SYNJ2: variants seen among roughly 807,000 people sequenced by gnomAD.
SYNJ2 encodes synaptojanin 2, also known as polyphosphatidylinositol phosphatase SYNJ2.
SYNJ2 carries 116 observed loss-of-function variants against 141.3 expected under a neutral mutation model. The ratio of observed to expected loss-of-function variants is 0.82; its 90% CI spans 0.71 to 0.96. The LOEUF (loss-of-function observed/expected upper bound fraction) is 0.96, where lower values mean the gene tolerates loss of function less well. Among genes scored for constraint, SYNJ2 ranks in the 40% least tolerant of loss-of-function variants. The pLI, the probability that SYNJ2 is intolerant of heterozygous loss-of-function variation, is 0.00. For synonymous variants in SYNJ2, 745 were observed against 777.7 expected (o/e 0.96, Z 0.70); for missense variants, 1,873 against 1,934.8 (o/e 0.97, Z 0.60).
intron 2 of SYNJ2, among the ~76,000 whole-genome samples, chr6:158,025,598 A>G (rs1779000174): frequency 6.6e-6 from 1 of 152,048 alleles, no homozygotes; most frequent in Non-Finnish European, 1.5e-5. Context: ...AGGCGGAGGT[A>G]GCAGTGAGCT....
At chr6:158,017,162 G>A (rs1778495172) in intron 1 of SYNJ2, 42 bp from the exon 2 acceptor site, 2 of 1,605,340 alleles carry the variant, frequency 1.2e-6, no homozygotes, top group Non-Finnish European at 1.7e-6. Flanking sequence ...GAATGAGCAG[G>A]AGACGCTCGC....
intron 26 of SYNJ2, 53 bp downstream of exon 26, chr6:158,093,157 G>A (rs888154838): frequency 8.4e-6 from 13 of 1,552,440 alleles, no homozygotes; most frequent in African/African-American, 5.6e-5. Flanking sequence ...CACATGTCTC[G>A]ATAGATAAGA....
chr6:158,069,712 G>C (rs200991797), intron 14 of SYNJ2, 39 bp downstream of exon 14: 62 of 1,561,240 alleles, frequency 4.0e-5, no homozygotes, highest in Non-Finnish European at 5.0e-5. Context: ...GGGAACAAGG[G>C]GTTGTTAGTC....
chr6:158,060,477 C>T (rs1407633877), intron 7 of SYNJ2, among the ~76,000 whole-genome samples: 1 of 152,222 alleles, frequency 6.6e-6, no homozygotes, highest in Non-Finnish European at 1.5e-5. Flanking sequence ...ATATCCCTTA[C>T]AGAGAGAGCT....
intron 1 of SYNJ2, among the ~76,000 whole-genome samples, chr6:157,992,089 G>A (rs1161065081): frequency 6.6e-6 from 1 of 152,118 alleles, no homozygotes; most frequent in East Asian, 1.9e-4. Flanking sequence ...GGAAAATGGG[G>A]CATCCATCCC....
chr6:158,049,387 G>A (rs550658587), intron 5 of SYNJ2, among the ~76,000 whole-genome samples: 34 of 152,230 alleles, frequency 2.2e-4, no homozygotes, highest in African/African-American at 8.2e-4. Flanking sequence ...GGTCAGTGTT[G>A]GAGCAGGACA....
At chr6:158,082,441 C>A (rs568830793) in intron 20 of SYNJ2, among the ~76,000 whole-genome samples, 2 of 138,918 alleles carry the variant, frequency 1.4e-5, no homozygotes, top group South Asian at 2.2e-4. Flanking sequence ...GAGCCGAGAT[C>A]GCACCATTGC....
At chr6:157,996,505 T>C (rs1777637613) in intron 1 of SYNJ2, among the ~76,000 whole-genome samples, 1 of 152,188 alleles carries the variant, frequency 6.6e-6, no homozygotes, top group South Asian at 2.1e-4. Flanking sequence ...GCTCACTGCA[T>C]TCAGCAGCCT....
chr6:158,071,889 A>T lies in SYNJ2; in HGVS notation c.2133+95A>T. ...AGCCAGGCACTGGGGACACAACCAC[A>T]GGGAGGGCCCCTTCCTGGAGGGCTC... On this transcript the variant is annotated intron_variant, in intron 15 of 26. Coordinates refer to ENST00000355585, the MANE Select transcript of SYNJ2 (RefSeq NM_003898.4). The surrounding 1 kb of genome is among the most constrained non-coding windows in gnomAD (Gnocchi z 4.3). The T allele has an allele frequency of 1.4e-6, 2 of 1,405,346 alleles. No homozygotes were observed. The highest frequency in any genetic ancestry group is 1.9e-6 in the Non-Finnish European group (2 of 1,041,052). The allele number at this position is 1,405,346 out of a possible 1,614,324, so 87.1% of individuals were successfully genotyped here. A position where few individuals can be genotyped will look rare whatever the true frequency, so the allele number is the denominator to read the frequency against.
At chr6:158,017,138 G>A in intron 1 of SYNJ2, 66 bp from the exon 2 acceptor site, 1 of 1,564,022 alleles carries the variant, frequency 6.4e-7, no homozygotes, top group Non-Finnish European at 8.7e-7. Flanking sequence ...GGCAAGCCGG[G>A]TGTGAATGAA....
chr6:157,990,439 C>T (rs1045532808), intron 1 of SYNJ2, among the ~76,000 whole-genome samples: 6 of 152,298 alleles, frequency 3.9e-5, no homozygotes, highest in African/African-American at 2.4e-5. Context: ...CACCCCCGCA[C>T]GCCTGCTTCT....
intron 5 of SYNJ2, among the ~76,000 whole-genome samples, chr6:158,052,923 C>T (rs900376027): frequency 6.6e-6 from 1 of 152,186 alleles, no homozygotes; most frequent in Non-Finnish European, 1.5e-5. Context: ...CAGTGATGTC[C>T]TTTGAAGCAC....
At chr6:158,032,161 C>T (rs955196238) in intron 3 of SYNJ2, among the ~76,000 whole-genome samples, 5 of 152,012 alleles carry the variant, frequency 3.3e-5, no homozygotes, top group African/African-American at 1.2e-4. Context: ...ACTGTGCGAC[C>T]TCAGACGGGG....
At chr6:158,036,501 A>G (rs1285785300) in intron 4 of SYNJ2, among the ~76,000 whole-genome samples, 1 of 152,222 alleles carries the variant, frequency 6.6e-6, no homozygotes, top group Non-Finnish European at 1.5e-5. Flanking sequence ...TACCCTAAGC[A>G]GACTAAGGCA....
intron 1 of SYNJ2, among the ~76,000 whole-genome samples, chr6:158,013,054 A>AT (rs966871194): frequency 6.6e-6 from 1 of 152,116 alleles, no homozygotes; most frequent in Admixed American, 6.5e-5. Context: ...TGAAAATGGG[A>AT]TTTTAGCCCC....
intron 9 of SYNJ2, 31 bp from the exon 10 acceptor site, chr6:158,064,570 C>A: frequency 6.2e-7 from 1 of 1,608,572 alleles, no homozygotes; most frequent in East Asian, 2.2e-5. Flanking sequence ...GTGGGAGAAG[C>A]CAGTGACAGC....
At chr6:158,001,865 A>G (rs937303853) in intron 1 of SYNJ2, among the ~76,000 whole-genome samples, 2 of 151,990 alleles carry the variant, frequency 1.3e-5, no homozygotes, top group Admixed American at 6.6e-5. Context: ...CATTTGCACC[A>G]TTATACCAAC....
chr6:158,023,508 C>A (rs529072927), intron 2 of SYNJ2, among the ~76,000 whole-genome samples: 6 of 152,128 alleles, frequency 3.9e-5, no homozygotes, highest in African/African-American at 1.4e-4. Flanking sequence ...ACCCGTCCCA[C>A]CAACTGTCTG....
intron 16 of SYNJ2, among the ~76,000 whole-genome samples, chr6:158,075,533 C>T (rs2128381131): frequency 6.6e-6 from 1 of 151,856 alleles, no homozygotes; most frequent in African/African-American, 2.4e-5. Flanking sequence ...CCCAGCTACT[C>T]AGGAGACTGA....
Sources: gnomAD v4.1 joint callset for allele counts (sites outside exome capture counted in the v4.1 genomes callset) on GRCh38, gnomAD v4.1.1 for gene constraint, Gnocchi (gnomAD v3.1) non-coding constraint, MANE v1.5 for transcripts, NCBI Gene and HGNC (gene_info 2026-07-23, HGNC 2026-07-21) for gene names.